CTSC: variants seen among roughly 807,000 people sequenced by gnomAD.
CTSC encodes cathepsin C, also known as dipeptidyl peptidase 1.
A neutral mutation model predicts 40.9 loss-of-function variants in CTSC; 37 were observed. The ratio of observed to expected loss-of-function variants is 0.91; its 90% confidence interval spans 0.70 to 1.19. The LOEUF (loss-of-function observed/expected upper bound fraction) is 1.19. Among genes scored for constraint, CTSC ranks in the 50% most tolerant of loss-of-function variants. CTSC has a pLI of 0.00. For missense variants in CTSC, 594 were observed against 567.3 expected (o/e 1.05, Z -0.48); for synonymous variants, 232 against 207.4 (o/e 1.12, Z -1.02).
At position 88,337,630 on chromosome 11, in the gene CTSC, G is replaced by A. The variant is rs1455348465; in HGVS notation, c.43C>T (p.Leu15Phe). The change falls in exon 1 of 7, where the codon CTT (leucine) becomes TTT (phenylalanine). Residue 15 changes from leucine to phenylalanine, a missense_variant. Physicochemically the swap from Leu to Phe is conservative, Grantham distance 22. Transcript: ENST00000227266. ...PSLLLAALLL[L>F]LSGDGAVRCD... ...CGCACGGCGCCGTCGCCGGAGAGAA[G>A]CAGCAGGAGGGCGGCGAGCAGCAAG... The A allele has an allele frequency of 3.8e-6, 6 of 1,584,606 alleles. No homozygotes were observed. Among genetic ancestry groups the A allele is most frequent in the Non-Finnish European group, 5.2e-6 (6 of 1,164,914 alleles).
intron 2 of CTSC, among the ~76,000 whole-genome samples, chr11:88,315,560 T>A (rs1005561152): frequency 6.6e-6 from 1 of 152,192 alleles, no homozygotes; most frequent in Non-Finnish European, 1.5e-5. Flanking sequence ...TTATACATTG[T>A]CTATGGCTAC....
chr11:88,329,358 T>A (rs190474419), intron 2 of CTSC, among the ~76,000 whole-genome samples: 1 of 146,038 alleles, frequency 6.8e-6, no homozygotes, highest in East Asian at 2.1e-4. Flanking sequence ...GGCGGGCACC[T>A]GTAATCCAAT....
chr11:88,302,569 T>G (rs1267788492), intron 4 of CTSC, among the ~76,000 whole-genome samples: 1 of 137,926 alleles, frequency 7.3e-6, no homozygotes, highest in African/African-American at 2.8e-5. Flanking sequence ...GAGCTTGCAG[T>G]GAGCCGAGAT....
At chr11:88,325,724 C>T (rs1263567898) in intron 2 of CTSC, 5 of 985,138 alleles carry the variant, frequency 5.1e-6, no homozygotes, top group African/African-American at 1.7e-5. Context: ...AGGGTGTTTA[C>T]GATACCATCT....
intron 2 of CTSC, among the ~76,000 whole-genome samples, chr11:88,319,810 A>T (rs1453111883): frequency 6.6e-6 from 1 of 152,184 alleles, no homozygotes; most frequent in East Asian, 1.9e-4. Context: ...CTAATCCATC[A>T]AGATGATTTG....
chr11:88,336,322 C>T (rs980198904), intron 1 of CTSC, among the ~76,000 whole-genome samples: 5 of 150,882 alleles, frequency 3.3e-5, no homozygotes, highest in Non-Finnish European at 7.4e-5. Context: ...GGGCGGATCA[C>T]GAGGTCAGGA....
chr11:88,310,180 C>CT (rs11337017), intron 3 of CTSC, among the ~76,000 whole-genome samples: 44,721 of 141,994 alleles, frequency 0.31, 8,256 homozygotes, highest in East Asian at 0.64. Context: ...TCAGAATCTC[C>CT]TTTTTTTTTT....
chr11:88,326,577 T>G, intron 2 of CTSC: 1 of 685,828 alleles, frequency 1.5e-6, no homozygotes, highest in East Asian at 2.7e-5. Context: ...GGTATATTTT[T>G]GTAAATGTTA....
chr11:88,330,810 G>A (rs1938332302), intron 2 of CTSC, among the ~76,000 whole-genome samples: 1 of 152,126 alleles, frequency 6.6e-6, no homozygotes. Flanking sequence ...TTCTCAAGCT[G>A]TTAAAACCAA....
intron 2 of CTSC, among the ~76,000 whole-genome samples, chr11:88,332,522 C>A (rs1377571768): frequency 2.0e-5 from 3 of 152,186 alleles, no homozygotes; most frequent in Admixed American, 6.5e-5. Context: ...TTTTTAAACT[C>A]TGTTTCCCAT....
In CTSC at chr11:88,333,557, G is replaced by A. The variant is rs529353310; in HGVS notation, c.318+1380C>T. On this transcript the variant is annotated intron_variant, in intron 2 of 6. Transcript: ENST00000227266. ...ATCTGAAGTCAAAGAACCTTTGAAG[G>A]GCTGTGACAGAGTAACTGTAAGAGG... 1.6e-4 allele frequency among the ~76,000 whole-genome samples: 25 copies of A among 152,278 alleles called. 1 individual carries two copies. The highest frequency in any genetic ancestry group is 5.8e-4 in the African/African-American group (24 of 41,558).
At chr11:88,317,273 T>C (rs1459089003) in intron 2 of CTSC, among the ~76,000 whole-genome samples, 1 of 152,220 alleles carries the variant, frequency 6.6e-6, no homozygotes, top group East Asian at 1.9e-4. Context: ...AGCCTTCTTA[T>C]TTAATATTCA....
rs540076095 is a variant in CTSC at position 88,305,390 on chromosome 11, G to A, written c.641+3773C>T. 3.3e-5 allele frequency among the ~76,000 whole-genome samples: 5 copies of A among 152,266 alleles called. No homozygotes were observed. The South Asian group carries it at 8.3e-4, about 25-fold the overall frequency. On this transcript the variant is annotated intron_variant, in intron 4 of 6. Coordinates refer to ENST00000227266, the MANE Select transcript of CTSC (RefSeq NM_001814.6). Reference sequence around the variant, plus strand: ...ATCAGGACCCCTTTCCAGTAACACTGTGAAAATGAAGAGAGAGCAAGAGGA... The same window carrying A: ...ATCAGGACCCCTTTCCAGTAACACTATGAAAATGAAGAGAGAGCAAGAGGA...
At chr11:88,330,111 T>C (rs1938308536) in intron 2 of CTSC, among the ~76,000 whole-genome samples, 3 of 152,250 alleles carry the variant, frequency 2.0e-5, no homozygotes, top group Admixed American at 2.0e-4. Flanking sequence ...TCTTAGAAAC[T>C]GGCCTGTAGA....
At chr11:88,320,899 T>C (rs1937990582) in intron 2 of CTSC, 1 of 899,838 alleles carries the variant, frequency 1.1e-6, no homozygotes. Context: ...AATCAAATGG[T>C]TAGTAAGATG....
chr11:88,303,072 ATCTTT>A (rs910424548), intron 4 of CTSC, among the ~76,000 whole-genome samples: 24 of 152,334 alleles, frequency 1.6e-4, no homozygotes, highest in African/African-American at 5.5e-4. Flanking sequence ...AACCATTTCC[ATCTTT>A]GAATGGAAAT....
intron 2 of CTSC, among the ~76,000 whole-genome samples, chr11:88,317,973 C>A (rs1468717480): frequency 6.6e-6 from 1 of 152,202 alleles, no homozygotes; most frequent in Non-Finnish European, 1.5e-5. Flanking sequence ...AATATCCCTT[C>A]TTCAATTTCC....
At chr11:88,298,981 A>T (rs908596561) in intron 5 of CTSC, 3 of 152,182 alleles carry the variant, frequency 2.0e-5, no homozygotes, top group Non-Finnish European at 2.9e-5. Context: ...GCTTTATTAA[A>T]GTAGTTATCA....
At chr11:88,294,693 TA>T (rs1944279324) in intron 6 of CTSC, among the ~76,000 whole-genome samples, 185 bp from the exon 7 acceptor site, 1 of 152,206 alleles carries the variant, frequency 6.6e-6, no homozygotes, top group Admixed American at 6.5e-5. Flanking sequence ...TCCTTCTACT[TA>T]ACAGATATCT....
Sources: allele counts gnomAD v4.1 joint callset (sites outside exome capture counted in the v4.1 genomes callset), GRCh38; gene constraint gnomAD v4.1.1; transcripts MANE v1.5; gene names NCBI Gene and HGNC (gene_info 2026-07-23, HGNC 2026-07-21).